ZNF592: variants seen among roughly 807,000 people sequenced by gnomAD.
ZNF592 encodes spinocerebellar ataxia, autosomal recessive 5.
ZNF592 carries 11 observed loss-of-function variants against 80.3 expected under a neutral mutation model. That is an observed-to-expected ratio of 0.14 (90% CI 0.09 to 0.23). The LOEUF (loss-of-function observed/expected upper bound fraction) is 0.23. ZNF592 is among the 10% of genes least tolerant of loss of function. The pLI, the probability that ZNF592 is intolerant of heterozygous loss-of-function variation, is 1.00. For missense variants in ZNF592, 1,420 were observed against 1,633.9 expected (o/e 0.87, Z 2.26); for synonymous variants, 646 against 640.3 (o/e 1.01, Z -0.13).
chr15:84,777,994 G>A (rs1015923538), intron 2 of ZNF592, among the ~76,000 whole-genome samples, 189 bp from the exon 3 acceptor site: 5 of 152,102 alleles, frequency 3.3e-5, no homozygotes, highest in South Asian at 2.1e-4. Context: ...CACCGTGCCC[G>A]GCCTAGATAC....
intron 2 of ZNF592, among the ~76,000 whole-genome samples, chr15:84,776,480 G>T (rs2141979103): frequency 6.6e-6 from 1 of 152,228 alleles, no homozygotes; most frequent in East Asian, 1.9e-4. Context: ...TTTTGGCTGG[G>T]TGCAGTGGCT....
chr15:84,761,825 C>T (rs1232462276), intron 1 of ZNF592, among the ~76,000 whole-genome samples: 2 of 152,190 alleles, frequency 1.3e-5, no homozygotes, highest in Non-Finnish European at 2.9e-5. Context: ...GTTCCATCAC[C>T]TTTCAAGTTC....
In ZNF592 at chr15:84,784,875, A is replaced by G. The variant is rs1465589599; in HGVS notation, c.2200A>G (p.Thr734Ala). 6.2e-7 allele frequency: 1 copy of G among 1,614,156 alleles called. No homozygotes were observed. The highest frequency in any genetic ancestry group is 1.7e-5 in the Admixed American group (1 of 60,016). Residue 734 changes from threonine to alanine, a missense_variant, in exon 4 of 11, where the codon ACA (threonine) becomes GCA (alanine). Physicochemically the swap from Thr to Ala is moderately conservative, Grantham distance 58. Coordinates refer to ENST00000560079, the MANE Select transcript of ZNF592 (RefSeq NM_014630.3). The surrounding 1 kb of genome is among the most constrained non-coding windows in gnomAD (Gnocchi z 5.8). ...MVLAAHFQRT[T>A]EETEGLTCQV... The stretch of plus-strand genomic sequence containing the variant: ...CCTGGCTGCACATTTCCAGAGGACA[A>G]CAGAGGAGACAGAGGGGCTGGTAAG...
At chr15:84,755,248 G>A (rs768161678) in intron 1 of ZNF592, among the ~76,000 whole-genome samples, 1 of 151,532 alleles carries the variant, frequency 6.6e-6, no homozygotes, top group Non-Finnish European at 1.5e-5. Context: ...TTACAGGCAT[G>A]AGTCACTGCA....
chr15:84,759,929 C>T (rs900962774), intron 1 of ZNF592, among the ~76,000 whole-genome samples: 12 of 147,534 alleles, frequency 8.1e-5, no homozygotes, highest in African/African-American at 3.1e-4. Context: ...GGAATTTGAG[C>T]CAAGTCTTTA....
intron 1 of ZNF592, among the ~76,000 whole-genome samples, chr15:84,757,334 CTTT>C: frequency 2.6e-5 from 3 of 114,238 alleles, no homozygotes; most frequent in Admixed American, 1.0e-4. Flanking sequence ...TTCTTTCTTT[CTTT>C]CCTTTTTTTT....
rs556323927 is a variant in ZNF592, at chr15:84,764,889, G to A, written c.-150+74G>A. ...GAACATGAGATTTTTTTGTTCCCTG[G>A]ATTTTGTTTTGTTTTGTTTTGTTTT... On this transcript the variant is annotated intron_variant, in intron 2 of 10. Transcript: ENST00000560079. 41 of 362,972 alleles carry A rather than the reference G, an allele frequency of 1.1e-4. 1 individual carries two copies. Among genetic ancestry groups the A allele is most frequent in the East Asian group, 7.9e-4 (21 of 26,596 alleles). The allele number at this position is 362,972 out of a possible 1,614,324, so 22.5% of individuals were successfully genotyped here.
intron 4 of ZNF592, among the ~76,000 whole-genome samples, chr15:84,788,139 G>A (rs773714996): frequency 2.6e-5 from 4 of 152,008 alleles, no homozygotes; most frequent in Admixed American, 6.6e-5. Context: ...GAGGGTGGGG[G>A]TGGAGGGTGC....
Position 84,784,634 on chromosome 15 carries a change from G to A in ZNF592, c.1959G>A (p.Val653=). 1.2e-6 allele frequency: 2 copies of A among 1,614,192 alleles called. No individual in the cohort carries two copies. The highest frequency in any genetic ancestry group is 2.2e-5 in the South Asian group (2 of 91,088). The part of the protein sequence containing the change: ...GLVMQCSQLL[V]KPISADQMFV... Reference sequence around the variant, plus strand: ...TCATGCAGTGTTCCCAGCTGCTGGTGAAGCCTATCTCTGCGGACCAAATGT... The same window carrying A: ...TCATGCAGTGTTCCCAGCTGCTGGTAAAGCCTATCTCTGCGGACCAAATGT... Residue 653 remains valine, a synonymous_variant, in exon 4 of 11, where the codon GTG becomes GTA. Coordinates refer to ENST00000560079, the MANE Select transcript of ZNF592 (RefSeq NM_014630.3). The surrounding 1 kb of genome is among the most constrained non-coding windows in gnomAD (Gnocchi z 5.8).
chr15:84,797,725 G>A, intron 5 of ZNF592, 144 bp from the exon 6 acceptor site: 1 of 942,576 alleles, frequency 1.1e-6, no homozygotes, highest in South Asian at 1.4e-5. Flanking sequence ...TACTTGTCAA[G>A]GGTGGAAGTC....
At chr15:84,769,684 C>A (rs916676767) in intron 2 of ZNF592, among the ~76,000 whole-genome samples, 1 of 152,026 alleles carries the variant, frequency 6.6e-6, no homozygotes, top group Admixed American at 6.6e-5. Context: ...GATGGGATTT[C>A]ACTCTGAGGG....
rs746966957 is a variant in ZNF592, at chr15:84,799,935, C to A, written c.3231C>A (p.Ser1077Arg). 6 of 1,614,098 alleles carry A rather than the reference C, an allele frequency of 3.7e-6. No homozygotes were observed. Residue 1077 changes from serine (S) to arginine (R), a missense_variant, in exon 10 of 11, where the codon AGC becomes AGA. By Grantham distance (110) the Ser-to-Arg change is moderately radical. This residue lies in a region of ZNF592 where 331 missense variants were observed against 347.0 expected (regional missense o/e 0.95). Coordinates refer to ENST00000560079, the MANE Select transcript of ZNF592 (RefSeq NM_014630.3). This position sits in a 1 kb window ranked among gnomAD's most constrained non-coding sequence, Gnocchi z 4.2. ...LMHGIRNPDL[S>R]QTSKVKPPGG... ...ATGGCATCAGAAACCCTGATTTGAG[C>A]CAGACGTCCAAAGTGAAACCTCCGG...
intron 4 of ZNF592, among the ~76,000 whole-genome samples, chr15:84,787,123 A>T (rs1962612659): frequency 6.6e-6 from 1 of 152,056 alleles, no homozygotes; most frequent in Non-Finnish European, 1.5e-5. Flanking sequence ...AAGTGCTGGG[A>T]TTACAGGCAT....
chr15:84,800,772 G>A (rs1596136820), intron 10 of ZNF592, among the ~76,000 whole-genome samples: 1 of 152,176 alleles, frequency 6.6e-6, no homozygotes, highest in South Asian at 2.1e-4. Context: ...TCTGCTTCTA[G>A]GATTTGTCTA....
intron 2 of ZNF592, among the ~76,000 whole-genome samples, chr15:84,771,766 G>T (rs1206947995): frequency 1.1e-4 from 17 of 152,106 alleles, no homozygotes; most frequent in Admixed American, 1.1e-3. Context: ...AATAGCAGGT[G>T]CCTCATGAAA....
chr15:84,783,095 G>T lies in ZNF592; in HGVS notation c.420G>T (p.Gln140His). 6.2e-7 allele frequency: 1 copy of T among 1,614,086 alleles called. No individual in the cohort carries two copies. Among genetic ancestry groups the T allele is most frequent in the Non-Finnish European group, 8.5e-7 (1 of 1,180,030 alleles). The change falls in exon 4 of 11, where the codon CAG becomes CAT. Residue 140 changes from glutamine (Q) to histidine (H), a missense_variant. By Grantham distance (24) the Gln-to-His change is conservative (BLOSUM62 0). Around this residue, in one of 7 missense-constraint regions of ZNF592, gnomAD observed 373 missense variants for 355.5 expected, o/e 1.05. Coordinates refer to ENST00000560079, the MANE Select transcript of ZNF592 (RefSeq NM_014630.3). This position sits in a 1 kb window ranked among gnomAD's most constrained non-coding sequence, Gnocchi z 5.0. The stretch of plus-strand genomic sequence containing the variant: ...CAGAGCCATTACCCACCTTCAACCA[G>T]TTCAGTCCAATCTCCAGCCCAGAAC... Reference protein sequence around the residue: ...PKSEPLPTFNQFSPISSPEPE... With the variant: ...PKSEPLPTFNHFSPISSPEPE...
chr15:84,793,813 G>A (rs1432911624), intron 5 of ZNF592, among the ~76,000 whole-genome samples: 1 of 152,148 alleles, frequency 6.6e-6, no homozygotes, highest in African/African-American at 2.4e-5. Context: ...CATCCATGTT[G>A]TAGCATATAT....
Position 84,799,968 on chromosome 15 carries a change from T to G in ZNF592, c.3264T>G (p.His1088Gln). The change falls in exon 10 of 11, where the codon CAT becomes CAG. Residue 1088 changes from histidine to glutamine, a missense_variant. Transcript: ENST00000560079. This position sits in a 1 kb window ranked among gnomAD's most constrained non-coding sequence, Gnocchi z 4.2. ...CCAAAGTGAAACCTCCGGGTGGACA[T>G]TCCCCTCAGGTGAGTGTGGGCTCCC... ...QTSKVKPPGG[H>Q]SPQVNHLKRP... 1.2e-6 allele frequency: 2 copies of G among 1,614,160 alleles called. No individual in the cohort carries two copies. The highest frequency in any genetic ancestry group is 1.7e-6 in the Non-Finnish European group (2 of 1,179,998).
chr15:84,761,089 A>G (rs1202418253), intron 1 of ZNF592, among the ~76,000 whole-genome samples: 2 of 151,966 alleles, frequency 1.3e-5, no homozygotes, highest in Non-Finnish European at 2.9e-5. Context: ...TCAGCCTCCT[A>G]AGTAGCTGAG....
Sources: gnomAD v4.1 joint callset for allele counts (sites outside exome capture counted in the v4.1 genomes callset) on GRCh38, gnomAD v4.1.1 for gene constraint, gnomAD v4.1.1 regional missense constraint, Gnocchi (gnomAD v3.1) non-coding constraint, MANE v1.5 for transcripts, NCBI Gene and HGNC (gene_info 2026-07-23, HGNC 2026-07-21) for gene names.